The following SLC25A48 variants were observed in gnomAD, a reference collection of about 807,000 sequenced individuals.
The protein encoded by SLC25A48 is CTC-321K16.1.
In SLC25A48, 29 loss-of-function variants were observed where a neutral mutation model predicts 32.2. The ratio of observed to expected loss-of-function variants is 0.90; its 90% CI spans 0.67 to 1.23. The LOEUF is 1.23. Ranked by LOEUF, SLC25A48 falls within the 50% of genes most tolerant of loss-of-function variation. SLC25A48 has a pLI of 0.00. For synonymous variants in SLC25A48, 164 were observed against 172.3 expected, an observed-to-expected ratio of 0.95 and a Z score of 0.38; for missense variants, 399 against 422.7, an observed-to-expected ratio of 0.94 and a Z score of 0.49.
At chr5:135,693,879 C>A (rs1202726700) in intron 3 of SLC25A48, among the ~76,000 whole-genome samples, 1 of 152,214 alleles carries the variant, frequency 6.6e-6, no homozygotes, top group South Asian at 2.1e-4. Context: ...GATGGGCCTC[C>A]CCAGCCTCCC....
intron 3 of SLC25A48, among the ~76,000 whole-genome samples, chr5:135,675,563 G>A (rs1394714151): frequency 6.6e-6 from 1 of 151,950 alleles, no homozygotes. Context: ...TGGTCTACAT[G>A]TCTGTTTTTA....
chr5:135,881,622 C>G (rs1394934350), intron 7 of SLC25A48, among the ~76,000 whole-genome samples: 1 of 152,198 alleles, frequency 6.6e-6, no homozygotes, highest in African/African-American at 2.4e-5. Flanking sequence ...TCATCTTATT[C>G]TTAAAGCTGT....
chr5:135,759,305 C>A (rs999606147), intron 3 of SLC25A48, among the ~76,000 whole-genome samples: 3 of 152,192 alleles, frequency 2.0e-5, no homozygotes, highest in South Asian at 2.1e-4. Context: ...CATACCACTT[C>A]GAGTTATAAA....
At chr5:135,764,339 T>G (rs1756146744) in intron 3 of SLC25A48, among the ~76,000 whole-genome samples, 1 of 151,940 alleles carries the variant, frequency 6.6e-6, no homozygotes, top group Non-Finnish European at 1.5e-5. Flanking sequence ...TGTGATATGG[T>G]TCATAATATC....
intron 3 of SLC25A48, among the ~76,000 whole-genome samples, chr5:135,767,367 GATA>G (rs1756269138): frequency 6.6e-6 from 1 of 151,908 alleles, no homozygotes; most frequent in Admixed American, 6.6e-5. Flanking sequence ...GGGAGAAGAG[GATA>G]ATATTACTCC....
intron 3 of SLC25A48, among the ~76,000 whole-genome samples, chr5:135,748,088 A>G (rs372923440): frequency 5.1e-4 from 78 of 152,304 alleles, no homozygotes; most frequent in African/African-American, 1.8e-3. Flanking sequence ...GGCCATCAGC[A>G]AAGGCCTGGA....
intron 4 of SLC25A48, 87 bp downstream of exon 4, chr5:135,852,908 C>A (rs1760016875): frequency 6.7e-7 from 1 of 1,481,502 alleles, no homozygotes; most frequent in Non-Finnish European, 9.0e-7. Flanking sequence ...TGTTAAAATC[C>A]TTTTATTGAG....
intron 3 of SLC25A48, among the ~76,000 whole-genome samples, chr5:135,809,263 C>T (rs1189501901): frequency 6.6e-6 from 1 of 152,150 alleles, no homozygotes; most frequent in South Asian, 2.1e-4. Context: ...CATGCCACTA[C>T]ACTCCAGCCT....
At chr5:135,828,325 G>T (rs978672019) in intron 4 of SLC25A48, among the ~76,000 whole-genome samples, 3 of 152,198 alleles carry the variant, frequency 2.0e-5, no homozygotes, top group Admixed American at 1.3e-4. Context: ...TGACTTGCTG[G>T]GTGTGTTACT....
At chr5:135,763,754 A>AACACACACACACACACACACACACACAC (rs747888245) in intron 3 of SLC25A48, among the ~76,000 whole-genome samples, 1 of 145,898 alleles carries the variant, frequency 6.9e-6, no homozygotes. Flanking sequence ...GAGAAATAGG[A>AACACACACACACACACACACACACACAC]ACACACACAT....
At chr5:135,617,156 G>A (rs1311356064) in intron 1 of SLC25A48, among the ~76,000 whole-genome samples, 1 of 151,986 alleles carries the variant, frequency 6.6e-6, no homozygotes, top group Non-Finnish European at 1.5e-5. Context: ...GTCTGTTCAG[G>A]TTTTCTATTT....
intron 3 of SLC25A48, among the ~76,000 whole-genome samples, chr5:135,772,595 G>A (rs1756442574): frequency 6.6e-6 from 1 of 151,526 alleles, no homozygotes; most frequent in African/African-American, 2.4e-5. Flanking sequence ...CGCAGGGGGT[G>A]TACAGAGCCT....
chr5:135,883,055 T>C (rs1762590566), intron 7 of SLC25A48: 27 of 985,452 alleles, frequency 2.7e-5, no homozygotes, highest in Non-Finnish European at 3.1e-5. Context: ...TTCCTCCTTT[T>C]TCCCAGGGTC....
At chr5:135,620,119 T>C (rs1344359301) in intron 1 of SLC25A48, among the ~76,000 whole-genome samples, 1 of 152,174 alleles carries the variant, frequency 6.6e-6, no homozygotes, top group Non-Finnish European at 1.5e-5. Flanking sequence ...CAGTCCATGT[T>C]TATATTGGCA....
intron 2 of SLC25A48, among the ~76,000 whole-genome samples, chr5:135,849,699 A>G (rs559636283): frequency 1.5e-4 from 23 of 152,278 alleles, no homozygotes; most frequent in Admixed American, 1.4e-3. Flanking sequence ...CTCAGACCTA[A>G]AAGATGAGCA....
chr5:135,683,407 C>T (rs555791305), intron 3 of SLC25A48, among the ~76,000 whole-genome samples: 404 of 152,382 alleles, frequency 2.7e-3, no homozygotes, highest in Non-Finnish European at 4.2e-3. Context: ...CTTTTGCTAA[C>T]TGGCATTCTT....
intron 3 of SLC25A48, among the ~76,000 whole-genome samples, chr5:135,752,047 T>C (rs2127009271): frequency 6.6e-6 from 1 of 152,284 alleles, no homozygotes; most frequent in Non-Finnish European, 1.5e-5. Context: ...ATCAGAGACC[T>C]AAATGTCGAG....
At chr5:135,654,925 G>T (rs893200770) in intron 3 of SLC25A48, among the ~76,000 whole-genome samples, 8 of 152,202 alleles carry the variant, frequency 5.3e-5, no homozygotes, top group South Asian at 2.1e-4. Context: ...ATAAGGCTTG[G>T]CCCAGAGTGG....
At chr5:135,670,760 C>T (rs1312374402) in intron 3 of SLC25A48, among the ~76,000 whole-genome samples, 7 of 152,064 alleles carry the variant, frequency 4.6e-5, no homozygotes, top group Non-Finnish European at 1.0e-4. Context: ...GAAGTACTGA[C>T]GTCATGGAAG....
Sources: allele counts gnomAD v4.1 joint callset (sites outside exome capture counted in the v4.1 genomes callset), GRCh38; gene constraint gnomAD v4.1.1; transcripts MANE v1.5; gene names NCBI Gene and HGNC (gene_info 2026-07-23, HGNC 2026-07-21).